The following FRAS1 variants were observed in gnomAD, a reference collection of about 807,000 sequenced individuals.
FRAS1 encodes extracellular matrix organizing protein FRAS1.
A neutral mutation model predicts 435.2 loss-of-function variants in FRAS1; 290 were observed. The observed-to-expected ratio is 0.67, with a 90% CI of 0.61 to 0.73. The LOEUF (loss-of-function observed/expected upper bound fraction) is 0.73, where lower values mean the gene tolerates loss of function less well. FRAS1 is among the 30% of genes least tolerant of loss of function. The pLI is 0.00. For synonymous variants in FRAS1, 1,800 were observed against 1,851.0 expected, an observed-to-expected ratio of 0.97 and a Z score of 0.71; for missense variants, 4,860 against 5,001.5, an observed-to-expected ratio of 0.97 and a Z score of 0.85.
intron 50 of FRAS1, among the ~76,000 whole-genome samples, chr4:78,467,865 A>G (rs900156860): frequency 1.2e-4 from 18 of 152,236 alleles, no homozygotes; most frequent in East Asian, 1.9e-4. Flanking sequence ...TTCCATTTGT[A>G]TGTCTTCTTT....
At chr4:78,429,988 C>A (rs1237925124) in intron 36 of FRAS1, among the ~76,000 whole-genome samples, 1 of 152,172 alleles carries the variant, frequency 6.6e-6, no homozygotes, top group African/African-American at 2.4e-5. Context: ...TCTAACCCAG[C>A]TAGTCAGGGT....
intron 63 of FRAS1, among the ~76,000 whole-genome samples, chr4:78,510,678 G>C (rs1029871168): frequency 6.6e-6 from 1 of 152,204 alleles, no homozygotes; most frequent in East Asian, 1.9e-4. Context: ...TAGGGCTTCT[G>C]TATGTTTGGG....
chr4:78,431,071 C>T (rs938865205), intron 37 of FRAS1, among the ~76,000 whole-genome samples: 3 of 152,192 alleles, frequency 2.0e-5, no homozygotes, highest in African/African-American at 4.8e-5. Flanking sequence ...AAGTACCCAC[C>T]TCTGGATGCT....
At chr4:78,093,430 A>G (rs1741634205) in intron 2 of FRAS1, among the ~76,000 whole-genome samples, 1 of 152,220 alleles carries the variant, frequency 6.6e-6, no homozygotes, top group African/African-American at 2.4e-5. Flanking sequence ...GCTTACATTG[A>G]AAAAGAAAAA....
chr4:78,509,475 C>T (rs191718102), intron 63 of FRAS1, among the ~76,000 whole-genome samples: 30 of 152,306 alleles, frequency 2.0e-4, no homozygotes, highest in African/African-American at 6.7e-4. Context: ...TACCACATTT[C>T]TGTAATGCAG....
chr4:78,464,378 T>C, intron 48 of FRAS1, 65 bp from the exon 49 acceptor site: 3 of 1,594,130 alleles, frequency 1.9e-6, no homozygotes, highest in East Asian at 2.2e-5. Flanking sequence ...AGAGAGCACC[T>C]ACCTTGGACT....
rs531352787 is a variant in FRAS1 at position 78,446,181 on chromosome 4, G to A, written c.5856+469G>A. ...TTGCTCTACCGAGAGAGAGACACAG[G>A]GGAGGGGAAAGATAAATCTCAGAAT... On this transcript the variant is annotated intron_variant, in intron 42 of 73. Coordinates refer to ENST00000512123, the MANE Select transcript of FRAS1 (RefSeq NM_025074.7). 1.8e-4 allele frequency: 179 copies of A among 1,000,746 alleles called. No individual in the cohort carries two copies. The South Asian group carries it at 4.9e-3, about 27-fold the overall frequency. The allele number at this position is 1,000,746 out of a possible 1,614,324, so 62.0% of individuals were successfully genotyped here.
At chr4:78,443,608 T>C (rs571578558) in intron 41 of FRAS1, among the ~76,000 whole-genome samples, 1 of 152,382 alleles carries the variant, frequency 6.6e-6, no homozygotes, top group East Asian at 1.9e-4. Flanking sequence ...ATGTTCACAA[T>C]GATCGCCTGT....
intron 2 of FRAS1, among the ~76,000 whole-genome samples, chr4:78,143,712 A>G (rs1020627253): frequency 1.3e-5 from 2 of 151,324 alleles, no homozygotes; most frequent in East Asian, 3.9e-4. Flanking sequence ...CCTGGGCAAC[A>G]TGATGAGACC....
At chr4:78,068,393 G>GAC (rs1223492466) in intron 2 of FRAS1, among the ~76,000 whole-genome samples, 1 of 152,170 alleles carries the variant, frequency 6.6e-6, no homozygotes, top group African/African-American at 2.4e-5. Flanking sequence ...TACCCAAGGG[G>GAC]AGAGAATTCC....
chr4:78,444,871 ATCTGAATGGTACCTGAGC>A (rs1718742605), intron 41 of FRAS1, among the ~76,000 whole-genome samples: 1 of 152,114 alleles, frequency 6.6e-6, no homozygotes, highest in East Asian at 1.9e-4. Context: ...GCATCATAGT[ATCTGAATGGTACCTGAGC>A]TCTGAATGGT....
rs909639405 is a variant in FRAS1, at chr4:78,091,289, A to G, written c.108+25273A>G. Among the ~76,000 whole-genome samples the G allele has an allele frequency of 3.3e-5, 5 of 151,874 alleles. No homozygotes were observed. The South Asian group carries it at 8.3e-4, about 25-fold the overall frequency. ...TGCCACTCCCTTGGGTCATGCCACC[A>G]TTGCTTTTACTTGATTTCTGCAGTG... On this transcript the variant is annotated intron_variant, in intron 2 of 73. Transcript: ENST00000512123.
chr4:78,066,473 G>A (rs1044372740), intron 2 of FRAS1, among the ~76,000 whole-genome samples: 2 of 152,200 alleles, frequency 1.3e-5, no homozygotes, highest in African/African-American at 4.8e-5. Flanking sequence ...TTGGTGAACA[G>A]CAAAGAAATT....
chr4:78,245,166 C>T lies in FRAS1; in HGVS notation c.217-67C>T, dbSNP rs73827908. ...TAGTGAATGTAAGATGACTTAGGGT[C>T]TGATGAACTATTGTGACTTGGTGTG... On this transcript the variant is annotated intron_variant, in intron 3 of 73. Transcript: ENST00000512123. The T allele has an allele frequency of 2.6e-3, 2,699 of 1,045,888 alleles. 41 individuals are homozygous for T. In the African/African-American group the frequency reaches 0.037, roughly 14 times the overall value. The allele number at this position is 1,045,888 out of a possible 1,614,324, so 64.8% of individuals were successfully genotyped here.
chr4:78,440,446 CT>C (rs2109825314), intron 40 of FRAS1, among the ~76,000 whole-genome samples: 1 of 152,268 alleles, frequency 6.6e-6, no homozygotes, highest in South Asian at 2.1e-4. Flanking sequence ...TGACCTTCCC[CT>C]TTGTAATTTA....
At chr4:78,219,015 T>C (rs1723927312) in intron 2 of FRAS1, among the ~76,000 whole-genome samples, 1 of 152,242 alleles carries the variant, frequency 6.6e-6, no homozygotes, top group African/African-American at 2.4e-5. Context: ...TCATTTTCCC[T>C]AATAGAGGAT....
chr4:78,445,434 G>A, intron 41 of FRAS1, 88 bp from the exon 42 acceptor site: 1 of 1,398,874 alleles, frequency 7.1e-7, no homozygotes, highest in Non-Finnish European at 9.4e-7. Flanking sequence ...CTTTTTTTTT[G>A]CCGAAAATGA....
chr4:78,320,411 C>G (rs1729456432), intron 18 of FRAS1, among the ~76,000 whole-genome samples: 1 of 152,150 alleles, frequency 6.6e-6, no homozygotes, highest in South Asian at 2.1e-4. Context: ...CCCACAGACT[C>G]TGGTGGGAGG....
At chr4:78,170,256 G>T (rs567669689) in intron 2 of FRAS1, among the ~76,000 whole-genome samples, 2 of 152,190 alleles carry the variant, frequency 1.3e-5, no homozygotes, top group East Asian at 3.9e-4. Context: ...TAAAGGCTGG[G>T]TTTGTGTCTG....
Sources: gnomAD v4.1 joint callset for allele counts (sites outside exome capture counted in the v4.1 genomes callset) on GRCh38, gnomAD v4.1.1 for gene constraint, MANE v1.5 for transcripts, NCBI Gene and HGNC (gene_info 2026-07-23, HGNC 2026-07-21) for gene names.